Variants in VPS53 observed in about 807,000 individuals in gnomAD.
VPS53 encodes the protein vacuolar protein sorting-associated protein 53 homolog.
In VPS53, 70 loss-of-function variants were observed where a neutral mutation model predicts 107.0. The observed-to-expected ratio is 0.65, with a 90% confidence interval of 0.54 to 0.80. VPS53 has a LOEUF of 0.80. VPS53 is among the 30% of genes least tolerant of loss of function. The probability of loss-of-function intolerance (pLI) is 0.00; values close to 1 mark genes in which losing one functional copy is unlikely to be tolerated. For missense variants in VPS53, 917 were observed against 1,049.4 expected (o/e 0.87, Z 1.74); for synonymous variants, 409 against 393.3 (o/e 1.04, Z -0.47).
At chr17:662,477 CAGG>C in intron 4 of VPS53, among the ~76,000 whole-genome samples, 1 of 152,228 alleles carries the variant, frequency 6.6e-6, no homozygotes, top group African/African-American at 2.4e-5. Flanking sequence ...ATCACGAGGT[CAGG>C]AGATCAAGAC....
In VPS53 at chr17:521,601, C is replaced by T. The variant is rs1382764607; in HGVS notation, c.2223G>A (p.Lys741=). 2 of 1,540,666 alleles carry T rather than the reference C, an allele frequency of 1.3e-6. No individual in the cohort carries two copies. Among genetic ancestry groups the T allele is most frequent in the Non-Finnish European group, 1.8e-6 (2 of 1,140,552 alleles). The part of the protein sequence containing the change: ...KGMTRAEMIL[K]VVMAPHEPLV... ...GGCCCCTTTTAACACAAGCCATCAC[C>T]TTGAGGATCATCTCAGCCCGGGTCA... The change falls in exon 20 of 22, where the codon AAG becomes AAA. Residue 741 remains lysine, a splice_region_variant and synonymous_variant. Coordinates refer to ENST00000437048, the MANE Select transcript of VPS53 (RefSeq NM_001128159.3).
At chr17:624,819 T>C (rs1969620597) in intron 10 of VPS53, among the ~76,000 whole-genome samples, 1 of 152,218 alleles carries the variant, frequency 6.6e-6, no homozygotes, top group Admixed American at 6.5e-5. Context: ...AATTGGGATT[T>C]AGAAGGTGAC....
intron 11 of VPS53, among the ~76,000 whole-genome samples, chr17:619,464 G>C (rs1283683184): frequency 4.9e-5 from 7 of 144,166 alleles, no homozygotes; most frequent in Non-Finnish European, 1.1e-4. Flanking sequence ...TGGGACTACA[G>C]GCGTGCACCA....
At position 690,037 on chromosome 17, in the gene VPS53, G is replaced by A. The variant is rs73976863; in HGVS notation, c.285+7381C>T. Among the ~76,000 whole-genome samples the A allele has an allele frequency of 2.6e-3, 397 of 152,280 alleles. 3 individuals are homozygous for A. The highest frequency in any genetic ancestry group is 9.2e-3 in the African/African-American group (384 of 41,554). ...TTTGGGTCTGGCACTTTGCGCTGAA[G>A]TGAGGAGGAAGAACAGGAAGCCTCT... On this transcript the variant is annotated intron_variant, in intron 4 of 21. Coordinates refer to ENST00000437048, the MANE Select transcript of VPS53 (RefSeq NM_001128159.3).
At chr17:537,341 T>TA (rs1779006629) in intron 17 of VPS53, 165 bp from the exon 18 acceptor site, 1 of 739,756 alleles carries the variant, frequency 1.4e-6, no homozygotes, top group Non-Finnish European at 2.2e-6. Context: ...TAGGGACTGA[T>TA]ACTCAGGACA....
At chr17:645,279 T>C (rs1339372959) in intron 7 of VPS53, among the ~76,000 whole-genome samples, 1 of 152,254 alleles carries the variant, frequency 6.6e-6, no homozygotes. Context: ...CATCTTTTCA[T>C]GTTTATTGGC....
At chr17:671,704 G>A (rs1182656687) in intron 4 of VPS53, among the ~76,000 whole-genome samples, 1 of 145,168 alleles carries the variant, frequency 6.9e-6, no homozygotes, top group Non-Finnish European at 1.5e-5. Flanking sequence ...GTTTTCCCAT[G>A]ACTTTTTTTT....
chr17:601,917 A>G, intron 11 of VPS53, 21 bp from the exon 12 acceptor site: 1 of 1,541,348 alleles, frequency 6.5e-7, no homozygotes, highest in Middle Eastern at 1.7e-4. Context: ...GATATGAGAA[A>G]GAGAAGTGTT....
At chr17:597,569 G>A (rs1438411214) in intron 12 of VPS53, among the ~76,000 whole-genome samples, 1 of 152,122 alleles carries the variant, frequency 6.6e-6, no homozygotes, top group Admixed American at 6.5e-5. Flanking sequence ...TTGAGATGGA[G>A]TCTCACTCTG....
At chr17:605,138 G>A (rs2143009792) in intron 11 of VPS53, among the ~76,000 whole-genome samples, 1 of 152,252 alleles carries the variant, frequency 6.6e-6, no homozygotes, top group South Asian at 2.1e-4. Context: ...AACAGCACGT[G>A]TCTGCCGCTC....
intron 17 of VPS53, 154 bp downstream of exon 17, chr17:551,714 CACTA>C (rs1326024417): frequency 7.8e-6 from 4 of 514,808 alleles, no homozygotes; most frequent in East Asian, 3.3e-5. Flanking sequence ...GCAGGTGCGA[CACTA>C]ACTGAGTGCT....
chr17:662,850 G>A (rs751775146), intron 4 of VPS53, among the ~76,000 whole-genome samples: 7,775 of 83,672 alleles, frequency 0.093, 304 homozygotes, highest in South Asian at 0.16. Context: ...AGGAAGGAAG[G>A]AAGGAAGGAA....
intron 10 of VPS53, among the ~76,000 whole-genome samples, chr17:625,433 A>G (rs1969658990): frequency 6.7e-6 from 1 of 149,786 alleles, no homozygotes; most frequent in Non-Finnish European, 1.5e-5. Flanking sequence ...GTGAATAGCC[A>G]TTGTACTCCA....
intron 11 of VPS53, among the ~76,000 whole-genome samples, chr17:609,781 G>A (rs1401249229): frequency 6.6e-6 from 1 of 152,124 alleles, no homozygotes; most frequent in Non-Finnish European, 1.5e-5. Flanking sequence ...AGACAGCGAA[G>A]AGGAGAGAAG....
Position 602,070 on chromosome 17 carries a change from C to A in VPS53, c.1117-174G>T, listed in dbSNP as rs12450945. On this transcript the variant is annotated intron_variant, in intron 11 of 21. Transcript: ENST00000437048. Reference sequence around the variant, plus strand: ...CCTCCGGGCCTTCACAGTGCTTTCCCTCTTCCTGCAACCTCCCCGACCACC... The same window carrying A: ...CCTCCGGGCCTTCACAGTGCTTTCCATCTTCCTGCAACCTCCCCGACCACC... 0.22 allele frequency among the ~76,000 whole-genome samples: 34,114 copies of A among 152,082 alleles called. 4,314 individuals are homozygous for A. The highest frequency in any genetic ancestry group is 0.37 in the Middle Eastern group (108 of 294).
At chr17:602,043 T>C in intron 11 of VPS53, 147 bp from the exon 12 acceptor site, 2 of 483,020 alleles carry the variant, frequency 4.1e-6, no homozygotes, top group Non-Finnish European at 6.9e-6. Flanking sequence ...ACCACATTCT[T>C]GCCTCCGGGC....
chr17:632,428 C>A (rs1597406891), intron 7 of VPS53, among the ~76,000 whole-genome samples: 1 of 152,002 alleles, frequency 6.6e-6, no homozygotes, highest in East Asian at 1.9e-4. Context: ...CCTGTGAAGT[C>A]TTGATACAGG....
At chr17:541,488 C>A (rs1469519107) in intron 17 of VPS53, among the ~76,000 whole-genome samples, 3 of 141,102 alleles carry the variant, frequency 2.1e-5, no homozygotes, top group Admixed American at 7.3e-5. Context: ...GCACCAGGGG[C>A]TGAAAGAATG....
rs1913300006 is a variant in VPS53, at chr17:564,432, T to C, written c.1314-1687A>G. On this transcript the variant is annotated intron_variant, in intron 13 of 21. Transcript: ENST00000437048. ...GCGGGTGCCCGTAGTCCCAGCTACT[T>C]CAGAGGCTGAGGCAGGAGAATGGCA... Among the ~76,000 whole-genome samples the C allele has an allele frequency of 1.3e-5, 2 of 151,654 alleles. 1 individual carries two copies. The highest frequency in any genetic ancestry group is 4.2e-4 in the South Asian group (2 of 4,818).
Sources: gnomAD v4.1 joint callset for allele counts (sites outside exome capture counted in the v4.1 genomes callset) on GRCh38, gnomAD v4.1.1 for gene constraint, MANE v1.5 for transcripts, NCBI Gene and HGNC (gene_info 2026-07-23, HGNC 2026-07-21) for gene names.